Variants in OXR1 observed in about 807,000 individuals in gnomAD.
OXR1 encodes oxidation resistance 1.
In OXR1, 41 loss-of-function variants were observed where a neutral mutation model predicts 104.6. That is an observed-to-expected ratio of 0.39 (90% CI 0.31 to 0.51). The LOEUF is 0.51. Ranked by LOEUF, OXR1 falls within the 20% of genes least tolerant of loss-of-function variation. OXR1 has a pLI of 0.77. For missense variants in OXR1, 955 were observed against 1,031.9 expected (o/e 0.93, Z 1.02); for synonymous variants, 348 against 348.4 (o/e 1.00, Z 0.01).
intron 2 of OXR1, among the ~76,000 whole-genome samples, chr8:106,488,906 G>A (rs142571797): frequency 0.1 from 14,915 of 149,838 alleles, 823 homozygotes; most frequent in African/African-American, 0.13. Context: ...TGGGGATGCG[G>A]GCTCTTTTTT....
rs556847752 is a variant in OXR1 at position 106,692,701 on chromosome 8, T to A, written c.526-27T>A. On this transcript the variant is annotated intron_variant, in intron 6 of 16. Transcript: ENST00000517566. ...TTTTATTTTGTTTTCTGCTTTTTTT[T>A]TTCTTTCCTTTAAAAAAAAAAAAAA... 6.1e-5 allele frequency: 87 copies of A among 1,414,716 alleles called. No individual in the cohort carries two copies. In the South Asian group the frequency reaches 1.2e-3, roughly 20 times the overall value. The allele number at this position is 1,414,716 out of a possible 1,614,324, so 87.6% of individuals were successfully genotyped here. A position where few individuals can be genotyped will look rare whatever the true frequency, so the allele number is the denominator to read the frequency against.
chr8:106,411,012 A>C (rs1818436096), intron 2 of OXR1, among the ~76,000 whole-genome samples: 1 of 152,186 alleles, frequency 6.6e-6, no homozygotes, highest in African/African-American at 2.4e-5. Context: ...CTGAGGTTAT[A>C]ACAGCAAATA....
chr8:106,580,042 C>T lies in OXR1; in HGVS notation c.220+60903C>T, dbSNP rs190833211. On this transcript the variant is annotated intron_variant, in intron 3 of 16. Transcript: ENST00000517566. ...CTTCCTGTGTATGATTGACTGGCAG[C>T]TGTGACTCTAAATGCACAGAACTAT... Among the ~76,000 whole-genome samples, 9 of 152,286 alleles carry T rather than the reference C, an allele frequency of 5.9e-5. No individual in the cohort carries two copies. In the East Asian group the frequency reaches 1.4e-3, roughly 23 times the overall value.
At chr8:106,673,483 A>C (rs1411290691) in intron 3 of OXR1, among the ~76,000 whole-genome samples, 2 of 152,238 alleles carry the variant, frequency 1.3e-5, no homozygotes, top group African/African-American at 4.8e-5. Context: ...TGGGAAGCAG[A>C]GCTAAAAAGT....
intron 3 of OXR1, among the ~76,000 whole-genome samples, chr8:106,639,249 G>A (rs1823427906): frequency 6.6e-6 from 1 of 152,118 alleles, no homozygotes; most frequent in South Asian, 2.1e-4. Flanking sequence ...TGATTGTGCG[G>A]CACCTAGCAC....
At chr8:106,704,627 A>C (rs1181507828) in intron 8 of OXR1, among the ~76,000 whole-genome samples, 1 of 151,418 alleles carries the variant, frequency 6.6e-6, no homozygotes, top group Non-Finnish European at 1.5e-5. Context: ...CGAACCCCTG[A>C]CCTCAAGTGA....
intron 1 of OXR1, among the ~76,000 whole-genome samples, chr8:106,343,744 G>A (rs987998962): frequency 5.3e-5 from 8 of 152,326 alleles, no homozygotes; most frequent in Admixed American, 1.3e-4. Flanking sequence ...ATGGACAGTA[G>A]GAAAGCGACT....
At chr8:106,568,051 A>G (rs1234866612) in intron 3 of OXR1, among the ~76,000 whole-genome samples, 1 of 152,152 alleles carries the variant, frequency 6.6e-6, no homozygotes, top group Non-Finnish European at 1.5e-5. Flanking sequence ...GGAAATGGAA[A>G]CACATTTCCT....
chr8:106,635,412 G>T (rs1028229623), intron 3 of OXR1, among the ~76,000 whole-genome samples: 2 of 152,050 alleles, frequency 1.3e-5, no homozygotes, highest in African/African-American at 2.4e-5. Flanking sequence ...AAGATTAAAA[G>T]AAATGGGTTT....
chr8:106,491,169 C>T (rs1484637927), intron 2 of OXR1, among the ~76,000 whole-genome samples: 1 of 152,194 alleles, frequency 6.6e-6, no homozygotes, highest in Admixed American at 6.5e-5. Context: ...TGTCTGCCTC[C>T]TTTCTGGGAG....
rs565254812 is a variant in OXR1, at chr8:106,450,439, A to T, written c.24-68504A>T. ...AAATTTTTGTTGTTGGAAAGGGAAA[A>T]AAACACTAAATTATTGCAGTTCTAA... On this transcript the variant is annotated intron_variant, in intron 2 of 16. Transcript: ENST00000517566. Among the ~76,000 whole-genome samples, 7 of 152,298 alleles carry T rather than the reference A, an allele frequency of 4.6e-5. No individual in the cohort carries two copies. The South Asian group carries it at 1.2e-3, about 27-fold the overall frequency.
chr8:106,513,083 A>G (rs1027733264), intron 2 of OXR1, among the ~76,000 whole-genome samples: 6 of 152,188 alleles, frequency 3.9e-5, no homozygotes, highest in Non-Finnish European at 8.8e-5. Context: ...CTATGCTTCT[A>G]GTAAAATAGA....
intron 3 of OXR1, among the ~76,000 whole-genome samples, chr8:106,573,296 G>A (rs1186312446): frequency 6.6e-6 from 1 of 151,338 alleles, no homozygotes; most frequent in Non-Finnish European, 1.5e-5. Context: ...CCAAATGTCT[G>A]GGCACCCCAT....
intron 6 of OXR1, among the ~76,000 whole-genome samples, chr8:106,687,345 AGT>A (rs935691387): frequency 1.1e-4 from 16 of 152,162 alleles, no homozygotes; most frequent in African/African-American, 3.6e-4. Flanking sequence ...GGGATAGAGG[AGT>A]CTTCTGTTAT....
intron 2 of OXR1, among the ~76,000 whole-genome samples, chr8:106,510,329 G>C (rs77980968): frequency 0.015 from 2,220 of 152,206 alleles, 50 homozygotes; most frequent in African/African-American, 0.051. Context: ...GAACAGACTA[G>C]AATTTCCATG....
At chr8:106,606,938 T>A (rs1055391889) in intron 3 of OXR1, among the ~76,000 whole-genome samples, 1 of 152,206 alleles carries the variant, frequency 6.6e-6, no homozygotes, top group Non-Finnish European at 1.5e-5. Flanking sequence ...GAATGGTTTT[T>A]GTTGTTTAGT....
intron 7 of OXR1, among the ~76,000 whole-genome samples, chr8:106,695,184 T>A (rs554943375): frequency 6.6e-6 from 1 of 151,180 alleles, no homozygotes; most frequent in African/African-American, 2.4e-5. Context: ...AAATAATTTT[T>A]AAAATAAGGG....
intron 7 of OXR1, among the ~76,000 whole-genome samples, chr8:106,694,491 T>TATATTTATATATATATTTG (rs1563715883): frequency 8.3e-5 from 6 of 72,102 alleles, no homozygotes; most frequent in African/African-American, 6.1e-4. Flanking sequence ...ATATTTGATA[T>TATATTTATATATATATTTG]ATAAATATGT....
chr8:106,567,721 A>G (rs1563611159), intron 3 of OXR1, among the ~76,000 whole-genome samples: 1 of 152,176 alleles, frequency 6.6e-6, no homozygotes, highest in Non-Finnish European at 1.5e-5. Flanking sequence ...GATAAGGGTA[A>G]TGCAAACCAA....
Sources: allele counts gnomAD v4.1 joint callset (sites outside exome capture counted in the v4.1 genomes callset), GRCh38; gene constraint gnomAD v4.1.1; transcripts MANE v1.5; gene names NCBI Gene and HGNC (gene_info 2026-07-23, HGNC 2026-07-21).